Variants in PTPN9 observed in about 807,000 individuals in gnomAD.
PTPN9 encodes the protein protein tyrosine phosphatase non-receptor type 9.
A neutral mutation model predicts 69.8 loss-of-function variants in PTPN9; 26 were observed. That is an observed-to-expected ratio of 0.37 (90% confidence interval 0.27 to 0.52). The LOEUF is 0.52. PTPN9 is among the 20% of genes least tolerant of loss of function. The pLI is 0.91. For synonymous variants in PTPN9, 274 were observed against 272.5 expected, an observed-to-expected ratio of 1.01 and a Z score of -0.05; for missense variants, 549 against 740.3, an observed-to-expected ratio of 0.74 and a Z score of 3.00.
chr15:75,471,406 C>A (rs2074564165), intron 10 of PTPN9, among the ~76,000 whole-genome samples: 1 of 152,100 alleles, frequency 6.6e-6, no homozygotes, highest in Non-Finnish European at 1.5e-5. Flanking sequence ...AGCCTGAAGT[C>A]CCAGCCCAGG....
At chr15:75,517,475 A>C in intron 4 of PTPN9, 111 bp from the exon 5 acceptor site, 1 of 724,588 alleles carries the variant, frequency 1.4e-6, no homozygotes, top group Non-Finnish European at 2.3e-6. Flanking sequence ...TCTAGGATCA[A>C]AACAACTGCC....
chr15:75,559,197 C>G (rs1317840253), intron 1 of PTPN9, among the ~76,000 whole-genome samples: 1 of 151,564 alleles, frequency 6.6e-6, no homozygotes, highest in South Asian at 2.1e-4. Context: ...AAGTGAGGAG[C>G]CCCTCCGCCC....
At chr15:75,550,246 A>G (rs1282682889) in intron 1 of PTPN9, among the ~76,000 whole-genome samples, 1 of 140,198 alleles carries the variant, frequency 7.1e-6, no homozygotes, top group Non-Finnish European at 1.6e-5. Context: ...GCTCACTGCA[A>G]CCTCCACCTC....
At chr15:75,576,848 CAAAAA>C (rs758400663) in intron 1 of PTPN9, among the ~76,000 whole-genome samples, 1 of 149,076 alleles carries the variant, frequency 6.7e-6, no homozygotes, top group African/African-American at 2.5e-5. Flanking sequence ...AACTCCATCT[CAAAAA>C]AAAAGAGAGT....
intron 4 of PTPN9, among the ~76,000 whole-genome samples, chr15:75,519,849 A>G (rs911405486): frequency 6.6e-6 from 1 of 151,798 alleles, no homozygotes; most frequent in Non-Finnish European, 1.5e-5. Flanking sequence ...GTGGCACAGG[A>G]CAGGTCCAGT....
chr15:75,523,088 G>A (rs748292947), intron 4 of PTPN9, 33 bp downstream of exon 4: 5 of 1,604,270 alleles, frequency 3.1e-6, no homozygotes, highest in Non-Finnish European at 3.4e-6. Flanking sequence ...CTACCTGCAT[G>A]TAGAATACCT....
intron 2 of PTPN9, 109 bp downstream of exon 2, chr15:75,527,009 A>G (rs2074931143): frequency 2.2e-6 from 3 of 1,385,118 alleles, no homozygotes; most frequent in Non-Finnish European, 3.0e-6. Flanking sequence ...ATTTTTTATG[A>G]AAGTGAGGAG....
At chr15:75,567,734 C>A (rs187043931) in intron 1 of PTPN9, among the ~76,000 whole-genome samples, 1 of 152,050 alleles carries the variant, frequency 6.6e-6, no homozygotes, top group East Asian at 1.9e-4. Context: ...CGGTGGCTCA[C>A]GCCTGTAATC....
At chr15:75,524,402 T>C (rs892737023) in intron 2 of PTPN9, 104 bp from the exon 3 acceptor site, 2 of 586,026 alleles carry the variant, frequency 3.4e-6, no homozygotes, top group Admixed American at 2.9e-5. Flanking sequence ...TATCAATGAA[T>C]GAATGAATTA....
rs577494752 is a variant in PTPN9 at position 75,471,018 on chromosome 15, A to C, written c.1209-188T>G. On this transcript the variant is annotated intron_variant, in intron 10 of 12. Transcript: ENST00000618819. ...TTCTAAACAAATGTACTCACAGCTA[A>C]AGTTTCTGCATGTACTCATATAGCA... 13 of 673,086 alleles carry C rather than the reference A, an allele frequency of 1.9e-5. No individual in the cohort carries two copies. The East Asian group carries it at 3.3e-4, about 17-fold the overall frequency. The allele number at this position is 673,086 out of a possible 1,614,324, so 41.7% of individuals were successfully genotyped here.
At chr15:75,494,131 C>CATATATAT (rs71140166) in intron 7 of PTPN9, among the ~76,000 whole-genome samples, 161 of 143,504 alleles carry the variant, frequency 1.1e-3, no homozygotes, top group African/African-American at 3.8e-3. Context: ...TTATCAATCC[C>CATATATAT]ATATATATAT....
intron 2 of PTPN9, among the ~76,000 whole-genome samples, chr15:75,526,273 T>C (rs1417549023): frequency 6.6e-6 from 1 of 152,150 alleles, no homozygotes; most frequent in Non-Finnish European, 1.5e-5. Context: ...ATTACAGGCA[T>C]GAGCCACCGC....
intron 1 of PTPN9, among the ~76,000 whole-genome samples, chr15:75,546,527 C>T (rs549929489): frequency 6.6e-6 from 1 of 152,064 alleles, no homozygotes; most frequent in Admixed American, 6.6e-5. Flanking sequence ...CCTGTACTCC[C>T]AGCTACTCAG....
chr15:75,490,149 C>T (rs1179393394), intron 8 of PTPN9, 59 bp downstream of exon 8: 2 of 1,316,894 alleles, frequency 1.5e-6, no homozygotes, highest in Non-Finnish European at 2.2e-6. Flanking sequence ...GTAAGCTTCA[C>T]TTTGGAAGAA....
At chr15:75,547,854 T>C (rs1454924795) in intron 1 of PTPN9, among the ~76,000 whole-genome samples, 1 of 151,896 alleles carries the variant, frequency 6.6e-6, no homozygotes, top group Non-Finnish European at 1.5e-5. Context: ...TTAGCAGAGA[T>C]GGGGTTTCAC....
intron 7 of PTPN9, among the ~76,000 whole-genome samples, chr15:75,490,711 A>G (rs1252392033): frequency 6.6e-6 from 1 of 151,632 alleles, no homozygotes; most frequent in Admixed American, 6.6e-5. Context: ...TGCAAGCTCT[A>G]CCTCCTGGGT....
intron 8 of PTPN9, chr15:75,480,758 C>G: frequency 8.9e-6 from 11 of 1,235,960 alleles, no homozygotes; most frequent in Non-Finnish European, 1.1e-5. Flanking sequence ...CAGTCTTTGC[C>G]GCCGCGCCGG....
intron 1 of PTPN9, among the ~76,000 whole-genome samples, chr15:75,533,404 C>A (rs2141326135): frequency 6.6e-6 from 1 of 152,124 alleles, no homozygotes. Context: ...AGACTACATG[C>A]ACACGTCACC....
intron 1 of PTPN9, among the ~76,000 whole-genome samples, chr15:75,533,872 G>A (rs1263004105): frequency 6.6e-6 from 1 of 152,178 alleles, no homozygotes; most frequent in African/African-American, 2.4e-5. Flanking sequence ...AGCCACTCAA[G>A]AGGACAAGAA....
Sources: gnomAD v4.1 joint callset for allele counts (sites outside exome capture counted in the v4.1 genomes callset) on GRCh38, gnomAD v4.1.1 for gene constraint, MANE v1.5 for transcripts, NCBI Gene and HGNC (gene_info 2026-07-23, HGNC 2026-07-21) for gene names.